PRPF6: variants seen among roughly 807,000 people sequenced by gnomAD.
PRPF6 encodes the protein pre-mRNA processing factor 6.
PRPF6 carries 42 observed loss-of-function variants against 118.3 expected under a neutral mutation model. The observed-to-expected ratio is 0.35, with a 90% CI of 0.28 to 0.46. The LOEUF is 0.46. Among genes scored for constraint, PRPF6 ranks in the 20% least tolerant of loss-of-function variants. The pLI is 1.00. For missense variants in PRPF6, 662 were observed against 1,255.7 expected, an observed-to-expected ratio of 0.53 and a Z score of 7.15; for synonymous variants, 481 against 485.1, an observed-to-expected ratio of 0.99 and a Z score of 0.11.
At position 64,027,296 on chromosome 20, in the gene PRPF6, A is replaced by G; in HGVS notation, c.2205+138A>G. 3.3e-6 allele frequency: 4 copies of G among 1,197,646 alleles called. No individual in the cohort carries two copies. The highest frequency in any genetic ancestry group is 2.8e-4 in the Middle Eastern group (1 of 3,636). 74.2% of individuals were successfully genotyped at this position (1,197,646 alleles called of 1,614,324 possible). A position where few individuals can be genotyped will look rare whatever the true frequency, so the allele number is the denominator to read the frequency against. Reference sequence around the variant, plus strand: ...TTACAGCTGATGGAGCTGCAGACTCAGGACCCAAACCCTGGTCCCCTCGCT... The same window carrying G: ...TTACAGCTGATGGAGCTGCAGACTCGGGACCCAAACCCTGGTCCCCTCGCT... On this transcript the variant is annotated intron_variant, in intron 16 of 20. Coordinates refer to ENST00000266079, the MANE Select transcript of PRPF6 (RefSeq NM_012469.4). This position sits in a 1 kb window ranked among gnomAD's most constrained non-coding sequence, Gnocchi z 6.5.
intron 6 of PRPF6, among the ~76,000 whole-genome samples, chr20:63,996,728 A>T (rs983422557): frequency 6.6e-6 from 1 of 151,898 alleles, no homozygotes; most frequent in Non-Finnish European, 1.5e-5. Flanking sequence ...GGAGTTCAAG[A>T]CCAGCCTGGG....
At chr20:64,003,887 C>T (rs147040428) in intron 9 of PRPF6, among the ~76,000 whole-genome samples, 239 of 152,234 alleles carry the variant, frequency 1.6e-3, no homozygotes, top group African/African-American at 5.2e-3. Context: ...CGTGAGCCAC[C>T]GCGCCCGGCC....
rs538462570 is a variant in PRPF6, at chr20:64,032,907, G to T, written c.2740G>T (p.Ala914Ser). 2 of 1,613,268 alleles carry T rather than the reference G, an allele frequency of 1.2e-6. No individual in the cohort carries two copies. The highest frequency in any genetic ancestry group is 1.7e-6 in the Non-Finnish European group (2 of 1,180,004). Reference sequence around the variant, plus strand: ...GCCTCGGCATGGGGAGCTGTGGTGCGCCGTGTCCAAGGACATCGCCAACTG... The same window carrying T: ...GCCTCGGCATGGGGAGCTGTGGTGCTCCGTGTCCAAGGACATCGCCAACTG... ...AEPRHGELWC[A>S]VSKDIANWQK... Residue 914 changes from alanine (A) to serine (S), a missense_variant, in exon 21 of 21, where the codon GCC (alanine) becomes TCC (serine). This residue lies in a region of PRPF6 where 244 missense variants were observed against 383.7 expected (regional missense o/e 0.64). Transcript: ENST00000266079.
In PRPF6 at chr20:64,027,219, C is replaced by T; in HGVS notation, c.2205+61C>T. 1.3e-6 allele frequency: 2 copies of T among 1,593,854 alleles called. No homozygotes were observed. Among genetic ancestry groups the T allele is most frequent in the East Asian group, 2.3e-5 (1 of 44,428 alleles). Reference sequence around the variant, plus strand: ...CCCGGCATTCACAAAACTGAGCCCCCTGGTGCAGGGTCATTGCCCTTCGCC... The same window carrying T: ...CCCGGCATTCACAAAACTGAGCCCCTTGGTGCAGGGTCATTGCCCTTCGCC... On this transcript the variant is annotated intron_variant, in intron 16 of 20. Coordinates refer to ENST00000266079, the MANE Select transcript of PRPF6 (RefSeq NM_012469.4). This position sits in a 1 kb window ranked among gnomAD's most constrained non-coding sequence, Gnocchi z 6.5.
intron 11 of PRPF6, among the ~76,000 whole-genome samples, chr20:64,016,182 C>T (rs1382523814): frequency 1.3e-5 from 2 of 150,850 alleles, no homozygotes; most frequent in South Asian, 2.1e-4. Context: ...AGTGGAGTGG[C>T]GTGATCTTGG....
At chr20:63,988,633 T>C (rs2059105374) in intron 3 of PRPF6, among the ~76,000 whole-genome samples, 1 of 151,344 alleles carries the variant, frequency 6.6e-6, no homozygotes, top group South Asian at 2.1e-4. Context: ...ATCCCAACAC[T>C]TTGGGAGGCT....
At chr20:64,023,442 C>G (rs1311978032) in intron 13 of PRPF6, among the ~76,000 whole-genome samples, 1 of 152,220 alleles carries the variant, frequency 6.6e-6, no homozygotes, top group African/African-American at 2.4e-5. Context: ...GGGCATTGGG[C>G]TCGTGTCCCC....
chr20:63,994,624 A>G (rs2059133395), intron 4 of PRPF6, among the ~76,000 whole-genome samples: 1 of 152,164 alleles, frequency 6.6e-6, no homozygotes, highest in Non-Finnish European at 1.5e-5. Context: ...ATAAAAACTT[A>G]GCCAGGCATG....
intron 12 of PRPF6, 150 bp from the exon 13 acceptor site, chr20:64,022,607 C>A: frequency 7.9e-7 from 1 of 1,263,334 alleles, no homozygotes; most frequent in Non-Finnish European, 1.1e-6. Context: ...CGCACCTGGC[C>A]TGGATTGTGG....
rs2059302918 is a variant in PRPF6, at chr20:64,028,843, TATC to T, written c.2431+277_2431+279del. On this transcript the variant is annotated intron_variant, in intron 18 of 20. Transcript: ENST00000266079. This position sits in a 1 kb window ranked among gnomAD's most constrained non-coding sequence, Gnocchi z 6.5. ...GAATTTGATTTCATTTCTGAAGTGT[TATC>T]ATTTCTTTTTCTTTTAAAATTTAAA... Among the ~76,000 whole-genome samples the T allele has an allele frequency of 6.6e-6, 1 of 152,224 alleles. No homozygotes were observed. Among genetic ancestry groups the T allele is most frequent in the Non-Finnish European group, 1.5e-5 (1 of 68,040 alleles).
intron 3 of PRPF6, among the ~76,000 whole-genome samples, chr20:63,990,788 G>A (rs1028911636): frequency 1.3e-5 from 2 of 152,096 alleles, no homozygotes; most frequent in Non-Finnish European, 1.5e-5. Flanking sequence ...GGGATTACAG[G>A]CATGCACCGC....
intron 3 of PRPF6, among the ~76,000 whole-genome samples, chr20:63,992,628 C>G (rs897131247): frequency 6.6e-6 from 1 of 151,926 alleles, no homozygotes; most frequent in Non-Finnish European, 1.5e-5. Context: ...ATACACATGT[C>G]CAAATGGAGG....
rs1220366779 is a variant in PRPF6 at position 64,029,172 on chromosome 20, C to T, written c.2432-205C>T. On this transcript the variant is annotated intron_variant, in intron 18 of 20. Transcript: ENST00000266079. This position sits in a 1 kb window ranked among gnomAD's most constrained non-coding sequence, Gnocchi z 4.8. ...ACAGAGTGAGACTCTGCAGGGTGTC[C>T]AGTCTGTGCCCTCAGGGCTGCCATG... 6.6e-6 allele frequency among the ~76,000 whole-genome samples: 1 copy of T among 152,134 alleles called. No individual in the cohort carries two copies. The highest frequency in any genetic ancestry group is 1.5e-5 in the Non-Finnish European group (1 of 68,020).
chr20:64,018,392 G>A (rs2059248594), intron 12 of PRPF6, among the ~76,000 whole-genome samples: 1 of 152,084 alleles, frequency 6.6e-6, no homozygotes, highest in Admixed American at 6.6e-5. Context: ...GTTCTCTGTG[G>A]TGTCTCCTCC....
In PRPF6 at chr20:63,995,174, A is replaced by G. The variant is rs577029531; in HGVS notation, c.615+82A>G. 436 of 1,601,512 alleles carry G rather than the reference A, an allele frequency of 2.7e-4. 1 individual carries two copies. The highest frequency in any genetic ancestry group is 1.5e-3 in the African/African-American group (114 of 74,744). ...GGAATGGTGGGTGGTGTTGGATTCA[A>G]TGCTTCTGCAGGTCATGGCTATGCT... On this transcript the variant is annotated intron_variant, in intron 5 of 20. Transcript: ENST00000266079.
At position 64,011,369 on chromosome 20, in the gene PRPF6, C is replaced by T. The variant is rs752513491; in HGVS notation, c.1390C>T (p.Arg464Ter). Residue 464 changes from arginine to a stop codon, truncating the protein, a stop_gained, in exon 11 of 21, where the codon CGA becomes TGA. Transcript: ENST00000266079. LOFTEE classifies it high-confidence loss of function. This position sits in a 1 kb window ranked among gnomAD's most constrained non-coding sequence, Gnocchi z 6.7. ...NKARENIPTD[R>*]HIWITAAKLE... ...GGCGCGGGAGAACATTCCTACAGACCGACATATCTGGATCACGGCTGCTAA... is the reference window on the plus strand; with the variant it reads ...GGCGCGGGAGAACATTCCTACAGACTGACATATCTGGATCACGGCTGCTAA... 4.3e-6 allele frequency: 7 copies of T among 1,614,000 alleles called. No individual in the cohort carries two copies. Among genetic ancestry groups the T allele is most frequent in the South Asian group, 3.3e-5 (3 of 91,078 alleles).
chr20:64,000,080 T>C (rs1157086087), intron 8 of PRPF6, among the ~76,000 whole-genome samples: 15 of 151,266 alleles, frequency 9.9e-5, no homozygotes, highest in Admixed American at 5.9e-4. Context: ...GCCTCCAGAG[T>C]AGCTGGCACT....
chr20:64,029,573 C>T lies in PRPF6; in HGVS notation c.2546+82C>T. ...CAGAGTCTGTCTGCCTCTTCCTGGT[C>T]ATTGTAAAGATGCCCGGCAGCAGGG... On this transcript the variant is annotated intron_variant, in intron 19 of 20. Coordinates refer to ENST00000266079, the MANE Select transcript of PRPF6 (RefSeq NM_012469.4). This position sits in a 1 kb window ranked among gnomAD's most constrained non-coding sequence, Gnocchi z 4.8. 1 of 1,250,142 alleles carries T rather than the reference C, an allele frequency of 8.0e-7. No homozygotes were observed. The highest frequency in any genetic ancestry group is 1.2e-6 in the Non-Finnish European group (1 of 858,370). The allele number at this position is 1,250,142 out of a possible 1,614,324, so 77.4% of individuals were successfully genotyped here.
At chr20:64,021,745 G>GTGTGCA (rs1242693101) in intron 12 of PRPF6, among the ~76,000 whole-genome samples, 1 of 150,140 alleles carries the variant, frequency 6.7e-6, no homozygotes, top group African/African-American at 2.5e-5. Flanking sequence ...GTGTGTGTGT[G>GTGTGCA]TGCACGTATG....
Sources: gnomAD v4.1 joint callset for allele counts (sites outside exome capture counted in the v4.1 genomes callset) on GRCh38, gnomAD v4.1.1 for gene constraint, gnomAD v4.1.1 regional missense constraint, Gnocchi (gnomAD v3.1) non-coding constraint, MANE v1.5 for transcripts, NCBI Gene and HGNC (gene_info 2026-07-23, HGNC 2026-07-21) for gene names.